The following DNASE1 variants were observed in gnomAD, a reference collection of about 807,000 sequenced individuals.
The protein encoded by DNASE1 is deoxyribonuclease-1.
Under a neutral mutation model 33.9 loss-of-function variants are expected in DNASE1, and 40 were observed. The observed-to-expected ratio is 1.18, with a 90% CI of 0.92 to 1.54. The LOEUF is 1.54. Among genes scored for constraint, DNASE1 ranks in the 40% most tolerant of loss-of-function variants. The pLI is 0.00. For synonymous variants in DNASE1, 216 were observed against 160.0 expected (o/e 1.35, Z -2.64); for missense variants, 518 against 372.6 (o/e 1.39, Z -3.21).
At chr16:3,626,592 C>G (rs2041519259) in intron 1 of DNASE1, among the ~76,000 whole-genome samples, 1 of 152,128 alleles carries the variant, frequency 6.6e-6, no homozygotes, top group Non-Finnish European at 1.5e-5. Context: ...CTTGAAAACA[C>G]TATATATTTC....
chr16:3,656,189 G>C lies in DNASE1; in HGVS notation c.320+4G>C. On this transcript the variant is annotated splice_donor_region_variant and intron_variant, in intron 4 of 8. Transcript: ENST00000246949. ...AGCGCTACCTGTTCGTGTACAGGTG[G>C]GTGGTCTAGAAAGCCAGGAAGCCCC... The C allele has an allele frequency of 1.3e-5, 21 of 1,613,982 alleles. No individual in the cohort carries two copies. Among genetic ancestry groups the C allele is most frequent in the Non-Finnish European group, 1.8e-5 (21 of 1,179,978 alleles).
intron 1 of DNASE1, among the ~76,000 whole-genome samples, chr16:3,644,894 C>A (rs903991022): frequency 1.3e-5 from 2 of 151,978 alleles, no homozygotes; most frequent in Non-Finnish European, 2.9e-5. Flanking sequence ...TTTGGGAGGC[C>A]AAGGCAGGCG....
At chr16:3,658,117 G>A (rs766207503), downstream of DNASE1, 2 of 1,612,944 alleles carry the variant, frequency 1.2e-6, no homozygotes, top group Non-Finnish European at 8.5e-7. Flanking sequence ...AGTCCTTCTG[G>A]CCCCCTGGCT....
At chr16:3,654,052 T>C (rs1596639491), upstream of DNASE1, 1 of 219,428 alleles carries the variant, frequency 4.6e-6, no homozygotes, top group Non-Finnish European at 8.9e-6. Flanking sequence ...GAGGCTATAA[T>C]GAGCCATGAT....
intron 1 of DNASE1, among the ~76,000 whole-genome samples, chr16:3,645,593 G>A (rs1160228408): frequency 1.3e-5 from 2 of 152,196 alleles, no homozygotes; most frequent in African/African-American, 4.8e-5. Flanking sequence ...GGGGCAGCCG[G>A]CGGAGGCTGA....
chr16:3,650,031 C>A (rs145848673), upstream of DNASE1, among the ~76,000 whole-genome samples: 46 of 152,210 alleles, frequency 3.0e-4, no homozygotes, highest in African/African-American at 9.9e-4. Flanking sequence ...AACTTGCTCC[C>A]GCTAAGTGGC....
intron 1 of DNASE1, among the ~76,000 whole-genome samples, chr16:3,635,560 A>G (rs1050989806): frequency 1.3e-5 from 2 of 150,308 alleles, no homozygotes; most frequent in Non-Finnish European, 3.0e-5. Context: ...TCTGACCTGT[A>G]TTATTTTCCT....
chr16:3,655,345 T>C, intron 1 of DNASE1, 28 bp from the exon 2 acceptor site: 1 of 1,613,662 alleles, frequency 6.2e-7, no homozygotes, highest in Non-Finnish European at 8.5e-7. Context: ...TCACTTCTGT[T>C]ATGTCTCTGT....
chr16:3,657,837 AGCCACATGAGGATGG>A (rs774780569), intron 8 of DNASE1, 21 bp downstream of exon 8: 3 of 1,613,944 alleles, frequency 1.9e-6, no homozygotes, highest in Admixed American at 3.3e-5. Flanking sequence ...TCCCTTGCAC[AGCCACATGAGGATGG>A]GACACAGGAG....
intron 1 of DNASE1, among the ~76,000 whole-genome samples, chr16:3,629,859 G>A (rs1402162423): frequency 6.6e-6 from 1 of 152,108 alleles, no homozygotes; most frequent in Non-Finnish European, 1.5e-5. Flanking sequence ...TGTTATCCAG[G>A]CTGGAGTGTA....
upstream of DNASE1, among the ~76,000 whole-genome samples, chr16:3,650,484 G>T (rs979948649): frequency 6.6e-6 from 1 of 151,098 alleles, no homozygotes; most frequent in African/African-American, 2.4e-5. Flanking sequence ...CCTGTTTATT[G>T]TTAGTTTTCT....
At position 3,646,576 on chromosome 16, in the gene DNASE1, C is replaced by G. The variant is rs1048650579; in HGVS notation, c.-86+3540C>G. The stretch of plus-strand genomic sequence containing the variant: ...CTGGAATGACAAGAAGGCCCCAGCT[C>G]TGCAGGCAGAGCGGAAGGCTCAGAG... On this transcript the variant is annotated intron_variant, in intron 1 of 9. Transcript: ENST00000407479. 5.9e-5 allele frequency among the ~76,000 whole-genome samples: 9 copies of G among 152,266 alleles called. No individual in the cohort carries two copies. The South Asian group carries it at 1.9e-3, about 32-fold the overall frequency.
chr16:3,658,260 AG>A (rs760340896), downstream of DNASE1: 9 of 1,540,926 alleles, frequency 5.8e-6, no homozygotes, highest in African/African-American at 9.7e-5. Context: ...ACCCATTATG[AG>A]GGGCATGGGG....
intron 1 of DNASE1, among the ~76,000 whole-genome samples, chr16:3,624,060 G>A (rs1402862005): frequency 1.3e-5 from 2 of 152,018 alleles, no homozygotes; most frequent in African/African-American, 2.4e-5. Flanking sequence ...TAAGGCAGGC[G>A]GATCACTTGA....
downstream of DNASE1, chr16:3,661,961 T>C: frequency 6.4e-7 from 1 of 1,574,080 alleles, no homozygotes; most frequent in Non-Finnish European, 8.6e-7. Context: ...TCCCACAGGC[T>C]GGAAGAGCCA....
chr16:3,639,239 G>C (rs1265421285), upstream of DNASE1, among the ~76,000 whole-genome samples: 1 of 152,206 alleles, frequency 6.6e-6, no homozygotes, highest in Non-Finnish European at 1.5e-5. Context: ...GGAAAGCGTT[G>C]AGAGGAAAGG....
downstream of DNASE1, chr16:3,661,825 T>A (rs2043092887): frequency 2.2e-6 from 2 of 925,760 alleles, no homozygotes; most frequent in Non-Finnish European, 2.9e-6. Flanking sequence ...AGGTTCCATT[T>A]CACATGGGTG....
At chr16:3,657,853 G>C (rs1163445867) in intron 8 of DNASE1, 37 bp downstream of exon 8, 2 of 1,613,902 alleles carry the variant, frequency 1.2e-6, no homozygotes, top group African/African-American at 1.3e-5. Flanking sequence ...ATGAGGATGG[G>C]ACACAGGAGC....
chr16:3,658,690 CAAAA>C (rs1555460763), downstream of DNASE1: 2 of 1,180,708 alleles, frequency 1.7e-6, no homozygotes, highest in Non-Finnish European at 2.4e-6. Context: ...AACAAACAAA[CAAAA>C]AGACAGGATT....
Sources: gnomAD v4.1 joint callset for allele counts (sites outside exome capture counted in the v4.1 genomes callset) on GRCh38, gnomAD v4.1.1 for gene constraint, MANE v1.5 for transcripts, NCBI Gene and HGNC (gene_info 2026-07-23, HGNC 2026-07-21) for gene names.